MACROD2: variants seen among roughly 807,000 people sequenced by gnomAD.
The protein encoded by MACROD2 is mono-ADP ribosylhydrolase 2, also known as ADP-ribose glycohydrolase MACROD2.
Under a neutral mutation model 70.4 loss-of-function variants are expected in MACROD2, and 36 were observed. The ratio of observed to expected loss-of-function variants is 0.51; its 90% CI spans 0.39 to 0.68. MACROD2 has a LOEUF of 0.68. Among genes scored for constraint, MACROD2 ranks in the 30% least tolerant of loss-of-function variants. The pLI, the probability that MACROD2 is intolerant of heterozygous loss-of-function variation, is 0.00. For missense variants in MACROD2, 496 were observed against 538.4 expected (o/e 0.92, Z 0.78); for synonymous variants, 172 against 178.8 (o/e 0.96, Z 0.30).
intron 8 of MACROD2, among the ~76,000 whole-genome samples, chr20:15,598,186 T>G (rs938765631): frequency 2.0e-5 from 3 of 152,160 alleles, no homozygotes; most frequent in African/African-American, 4.8e-5. Flanking sequence ...GGCTTTAACT[T>G]CAAAACAAAC....
chr20:14,207,153 T>C lies in MACROD2; in HGVS notation c.271+121425T>C, dbSNP rs1002823085. On this transcript the variant is annotated intron_variant, in intron 3 of 17. Coordinates refer to ENST00000684519, the MANE Select transcript of MACROD2 (RefSeq NM_001351661.2). ...TGGAGTCTTGCTCTGTCACTCAGGC[T>C]GGAGTGCAATTTCAGCTCACTGCAA... Among the ~76,000 whole-genome samples, 5 of 152,182 alleles carry C rather than the reference T, an allele frequency of 3.3e-5. No homozygotes were observed. In the East Asian group the frequency reaches 9.7e-4, roughly 29 times the overall value.
intron 5 of MACROD2, among the ~76,000 whole-genome samples, chr20:15,017,381 C>A (rs1010372919): frequency 6.6e-6 from 1 of 152,226 alleles, no homozygotes; most frequent in Admixed American, 6.5e-5. Flanking sequence ...AAGCCTTGGG[C>A]AGCTCCACCC....
At chr20:14,020,226 A>G (rs140709391) in intron 2 of MACROD2, among the ~76,000 whole-genome samples, 3,416 of 152,210 alleles carry the variant, frequency 0.022, 134 homozygotes, top group African/African-American at 0.075. Flanking sequence ...TAATCCCAGC[A>G]CTTTGGGAGG....
chr20:14,818,706 A>G (rs1052870086), intron 5 of MACROD2, among the ~76,000 whole-genome samples: 9 of 151,904 alleles, frequency 5.9e-5, no homozygotes, highest in Middle Eastern at 3.4e-3. Context: ...TATAATATTT[A>G]GGGATATGTA....
chr20:14,789,767 C>T (rs997941785), intron 5 of MACROD2, among the ~76,000 whole-genome samples: 13 of 151,836 alleles, frequency 8.6e-5, no homozygotes, highest in African/African-American at 1.2e-4. Context: ...TGAGCCACTG[C>T]ACCCGGCCAG....
At chr20:14,626,362 C>T (rs1020257882) in intron 4 of MACROD2, among the ~76,000 whole-genome samples, 1 of 152,092 alleles carries the variant, frequency 6.6e-6, no homozygotes, top group African/African-American at 2.4e-5. Flanking sequence ...GTTGGGGTGC[C>T]ATCTTTCAGA....
At chr20:14,774,651 A>G (rs2072211393) in intron 5 of MACROD2, among the ~76,000 whole-genome samples, 1 of 152,102 alleles carries the variant, frequency 6.6e-6, no homozygotes, top group South Asian at 2.1e-4. Flanking sequence ...GGCTATTATT[A>G]CATCTAGACT....
chr20:14,888,689 G>A (rs1444411730), intron 5 of MACROD2: 1 of 152,150 alleles, frequency 6.6e-6, no homozygotes, highest in Middle Eastern at 3.2e-3. Flanking sequence ...TTTTATTGTT[G>A]TGACCCTGAT....
At chr20:14,896,018 C>T (rs1290437747) in intron 5 of MACROD2, among the ~76,000 whole-genome samples, 1 of 152,116 alleles carries the variant, frequency 6.6e-6, no homozygotes, top group Non-Finnish European at 1.5e-5. Flanking sequence ...GGAAATAGGC[C>T]GGGTGCTGTG....
chr20:14,769,232 G>A (rs1177836942), intron 5 of MACROD2, among the ~76,000 whole-genome samples: 1 of 152,086 alleles, frequency 6.6e-6, no homozygotes, highest in Non-Finnish European at 1.5e-5. Flanking sequence ...TTGGTTGGTT[G>A]TAGAGCCAGT....
At chr20:15,459,612 G>A (rs564909337) in intron 7 of MACROD2, among the ~76,000 whole-genome samples, 4 of 152,128 alleles carry the variant, frequency 2.6e-5, no homozygotes, top group East Asian at 3.9e-4. Flanking sequence ...TTCTAAGAGC[G>A]ATGGAAGAAG....
At chr20:14,161,261 C>T (rs919165729) in intron 3 of MACROD2, among the ~76,000 whole-genome samples, 2 of 148,654 alleles carry the variant, frequency 1.3e-5, no homozygotes, top group Admixed American at 1.4e-4. Flanking sequence ...GATCTCGGCT[C>T]ACTGCAATCT....
At chr20:15,136,191 C>G (rs1478318763) in intron 5 of MACROD2, among the ~76,000 whole-genome samples, 4 of 148,708 alleles carry the variant, frequency 2.7e-5, no homozygotes, top group African/African-American at 1.0e-4. Context: ...TGACTTTCTT[C>G]ACAGAATTGG....
At chr20:15,546,757 C>A (rs1484060257) in intron 8 of MACROD2, among the ~76,000 whole-genome samples, 1 of 152,154 alleles carries the variant, frequency 6.6e-6, no homozygotes, top group Non-Finnish European at 1.5e-5. Context: ...GATGACTCTT[C>A]TATCTCCCAG....
chr20:14,267,687 G>A (rs2082155101), intron 3 of MACROD2, among the ~76,000 whole-genome samples: 1 of 151,968 alleles, frequency 6.6e-6, no homozygotes, highest in African/African-American at 2.4e-5. Context: ...TCTGATTATT[G>A]CTAAAAATGT....
chr20:15,677,575 A>G (rs186329214), intron 8 of MACROD2, among the ~76,000 whole-genome samples: 1 of 152,042 alleles, frequency 6.6e-6, no homozygotes. Context: ...AGAAGAGAAC[A>G]CTGGCCACTG....
At chr20:15,540,993 T>C (rs1308094172) in intron 8 of MACROD2, among the ~76,000 whole-genome samples, 2 of 152,164 alleles carry the variant, frequency 1.3e-5, no homozygotes, top group African/African-American at 4.8e-5. Flanking sequence ...GAGACCCTAT[T>C]TGCAAATCAG....
intron 8 of MACROD2, among the ~76,000 whole-genome samples, chr20:15,596,081 T>G (rs908513660): frequency 2.0e-5 from 3 of 152,228 alleles, no homozygotes; most frequent in East Asian, 1.9e-4. Flanking sequence ...CCATGATACA[T>G]GTACCCAGAA....
At chr20:15,959,036 G>A (rs1208188654) in intron 12 of MACROD2, among the ~76,000 whole-genome samples, 12 of 152,304 alleles carry the variant, frequency 7.9e-5, no homozygotes, top group South Asian at 6.2e-4. Context: ...TAGTCATTGC[G>A]TTAGGAAAAT....
Sources: allele counts gnomAD v4.1 joint callset (sites outside exome capture counted in the v4.1 genomes callset), GRCh38; gene constraint gnomAD v4.1.1; transcripts MANE v1.5; gene names NCBI Gene and HGNC (gene_info 2026-07-23, HGNC 2026-07-21).